CRYGS: variants seen among roughly 807,000 people sequenced by gnomAD.
The protein encoded by CRYGS is crystallin gamma S, also known as gamma-crystallin S.
Under a neutral mutation model 21.3 loss-of-function variants are expected in CRYGS, and 13 were observed. The observed-to-expected ratio is 0.61, with a 90% CI of 0.40 to 0.97. The LOEUF (loss-of-function observed/expected upper bound fraction) is 0.97, where lower values mean the gene tolerates loss of function less well. Among genes scored for constraint, CRYGS ranks in the 50% least tolerant of loss-of-function variants. CRYGS has a pLI of 0.00. For synonymous variants in CRYGS, 67 were observed against 75.0 expected (o/e 0.89, Z 0.55); for missense variants, 205 against 229.7 (o/e 0.89, Z 0.69).
intron 1 of CRYGS, among the ~76,000 whole-genome samples, chr3:186,543,507 TAAAG>T (rs949662886): frequency 1.3e-5 from 2 of 152,154 alleles, no homozygotes; most frequent in Non-Finnish European, 2.9e-5. Context: ...AATGGTTTAA[TAAAG>T]AGAGATGGAA....
In CRYGS at chr3:186,539,608, G is replaced by C. The variant is rs767247297; in HGVS notation, c.22-11C>G. 2 of 1,614,028 alleles carry C rather than the reference G, an allele frequency of 1.2e-6. No homozygotes were observed. The highest frequency in any genetic ancestry group is 2.2e-5 in the East Asian group (1 of 44,890). ...TTCATAGAAAGTAATCTGAAGTAGA[G>C]GGCCAACAGAGAAAGAGCTGAGGAG... is the stretch of plus-strand genomic sequence containing the variant. On this transcript the variant is annotated splice_polypyrimidine_tract_variant and intron_variant, in intron 1 of 2. Transcript: ENST00000307944.
rs749088204 is a variant in CRYGS, at chr3:186,538,870, T to C, written c.363A>G (p.Gln121=). The change falls in exon 3 of 3, where the codon CAA becomes CAG. Residue 121 remains glutamine, a synonymous_variant. Transcript: ENST00000307944. The part of the protein sequence containing the change: ...TTEDCPSIME[Q]FHMREIHSCK... ...AGGAGTGGATCTCTCGCATGTGAAA[T>C]TGCTCCATGATGGAAGGGCAATCTT... is the stretch of plus-strand genomic sequence containing the variant. The C allele has an allele frequency of 2.1e-5, 34 of 1,614,026 alleles. No individual in the cohort carries two copies. Among genetic ancestry groups the C allele is most frequent in the Non-Finnish European group, 2.7e-5 (32 of 1,179,998 alleles).
rs773115092 is a variant in CRYGS, at chr3:186,538,710, G to A, written c.523C>T (p.Arg175Cys). 6.2e-6 allele frequency: 10 copies of A among 1,614,022 alleles called. No homozygotes were observed. The Admixed American group carries it at 6.7e-5, about 11-fold the overall frequency. Residue 175 changes from arginine to cysteine, a missense_variant, in exon 3 of 3, where the codon CGC (arginine) becomes TGC (cysteine). Arg to Cys is a radical substitution (Grantham distance 180). Coordinates refer to ENST00000307944, the MANE Select transcript of CRYGS (RefSeq NM_017541.4). ...AASPAVQSFRRIVE is the reference protein window; with the variant it reads ...AASPAVQSFRCIVE Reference sequence around the variant, plus strand: ...CATTCATGTCATTACTCCACAATGCGGCGGAAAGACTGGACAGCTGGGGAG... The same window carrying A: ...CATTCATGTCATTACTCCACAATGCAGCGGAAAGACTGGACAGCTGGGGAG...
rs1353808276 is a variant in CRYGS, at chr3:186,539,683, A to C, written c.22-86T>G. On this transcript the variant is annotated intron_variant, in intron 1 of 2. Transcript: ENST00000307944. ...AAATTAAGAACATAATGCCTACTTT[A>C]GAAATTCCTTTCACCTCAATTTTGA... is the stretch of plus-strand genomic sequence containing the variant. 9.1e-6 allele frequency: 14 copies of C among 1,534,600 alleles called. No individual in the cohort carries two copies. In the African/African-American group the frequency reaches 1.8e-4, roughly 20 times the overall value.
At chr3:186,540,688 C>T in intron 1 of CRYGS, 1 of 900,466 alleles carries the variant, frequency 1.1e-6, no homozygotes, top group Non-Finnish European at 1.3e-6. Context: ...CATTATGCCG[C>T]CACCTTGTGG....
intron 1 of CRYGS, chr3:186,540,673 C>A: frequency 2.8e-6 from 2 of 709,164 alleles, no homozygotes; most frequent in Non-Finnish European, 3.5e-6. Flanking sequence ...CCGTTAATTA[C>A]CTGGCATTAT....
chr3:186,543,802 G>A (rs1714122830), intron 1 of CRYGS, among the ~76,000 whole-genome samples: 1 of 152,178 alleles, frequency 6.6e-6, no homozygotes, highest in African/African-American at 2.4e-5. Flanking sequence ...TTTTCTGACT[G>A]TAAGGGAGCA....
intron 1 of CRYGS, among the ~76,000 whole-genome samples, chr3:186,541,362 T>G (rs1714061983): frequency 6.6e-6 from 1 of 152,192 alleles, no homozygotes; most frequent in Admixed American, 6.5e-5. Context: ...CTAAATCATC[T>G]ACTTCCTCTC....
chr3:186,542,744 G>A (rs1714098123), intron 1 of CRYGS, among the ~76,000 whole-genome samples: 1 of 152,104 alleles, frequency 6.6e-6, no homozygotes, highest in Non-Finnish European at 1.5e-5. Context: ...ATAAAAAAGA[G>A]TACACTATTA....
rs1040344475 is a variant in CRYGS, at chr3:186,538,559, G to A, written c.*137C>T. 2.6e-5 allele frequency: 29 copies of A among 1,100,072 alleles called. No homozygotes were observed. Among genetic ancestry groups the A allele is most frequent in the Non-Finnish European group, 3.9e-5 (29 of 748,388 alleles). The allele number at this position is 1,100,072 out of a possible 1,614,324, so 68.1% of individuals were successfully genotyped here. A position where few individuals can be genotyped will look rare whatever the true frequency, so the allele number is the denominator to read the frequency against. On this transcript the variant is annotated 3_prime_UTR_variant, in exon 3 of 3. Transcript: ENST00000307944. ...CACTGTGGCGAGCACTGTATTGCTG[G>A]TCCCTAGAAGCATTTAAGGAGAGGC...
chr3:186,541,967 T>G (rs1356900252), intron 1 of CRYGS, among the ~76,000 whole-genome samples: 1 of 152,210 alleles, frequency 6.6e-6, no homozygotes, highest in South Asian at 2.1e-4. Flanking sequence ...GATTCTAAAC[T>G]CCTTAATTCA....
At chr3:186,538,994 C>A in intron 2 of CRYGS, 26 bp from the exon 3 acceptor site, 1 of 1,612,912 alleles carries the variant, frequency 6.2e-7, no homozygotes, top group Non-Finnish European at 8.5e-7. Flanking sequence ...AGAAAATGAA[C>A]AGAAACCATT....
At chr3:186,541,537 T>C (rs189841504) in intron 1 of CRYGS, among the ~76,000 whole-genome samples, 27 of 152,314 alleles carry the variant, frequency 1.8e-4, no homozygotes, top group Non-Finnish European at 2.1e-4. Context: ...CAATGAACCT[T>C]TCTCTACAGC....
chr3:186,539,281 A>C, intron 2 of CRYGS, 74 bp downstream of exon 2: 1 of 1,601,066 alleles, frequency 6.2e-7, no homozygotes, highest in Admixed American at 1.7e-5. Flanking sequence ...ACTCAAGAAA[A>C]TGTTCACCTA....
chr3:186,544,024 T>C (rs1370301415), intron 1 of CRYGS, among the ~76,000 whole-genome samples: 1 of 152,208 alleles, frequency 6.6e-6, no homozygotes, highest in African/African-American at 2.4e-5. Context: ...ATCAGTTGCA[T>C]AGAATATTAG....
At chr3:186,539,330 G>A (rs1157373267) in intron 2 of CRYGS, 25 bp downstream of exon 2, 2 of 1,611,878 alleles carry the variant, frequency 1.2e-6, no homozygotes, top group African/African-American at 2.7e-5. Flanking sequence ...GGGAAACAGA[G>A]GGAGTACACA....
intron 2 of CRYGS, 64 bp from the exon 3 acceptor site, chr3:186,539,032 T>TA (rs1314326774): frequency 6.4e-7 from 1 of 1,566,998 alleles, no homozygotes; most frequent in Non-Finnish European, 8.7e-7. Context: ...GTCAAGAACT[T>TA]AGAGAACAGT....
chr3:186,543,246 A>T (rs1398910698), intron 1 of CRYGS, among the ~76,000 whole-genome samples: 1 of 152,198 alleles, frequency 6.6e-6, no homozygotes, highest in Non-Finnish European at 1.5e-5. Flanking sequence ...GAATAAAGAG[A>T]CATGACAACC....
chr3:186,539,235 A>G (rs1713998752), intron 2 of CRYGS, 120 bp downstream of exon 2: 3 of 1,384,518 alleles, frequency 2.2e-6, no homozygotes, highest in Admixed American at 3.5e-5. Flanking sequence ...AAGCCTCAGC[A>G]GCCAACAAGC....
Sources: gnomAD v4.1 joint callset for allele counts (sites outside exome capture counted in the v4.1 genomes callset) on GRCh38, gnomAD v4.1.1 for gene constraint, MANE v1.5 for transcripts, NCBI Gene and HGNC (gene_info 2026-07-23, HGNC 2026-07-21) for gene names.